JAM3: variants seen among roughly 807,000 people sequenced by gnomAD.
JAM3 encodes junctional adhesion molecule 3.
In JAM3, 31 loss-of-function variants were observed where a neutral mutation model predicts 39.4. That is an observed-to-expected ratio of 0.79 (90% CI 0.59 to 1.06). The LOEUF (loss-of-function observed/expected upper bound fraction) is 1.06, where lower values mean the gene tolerates loss of function less well. Ranked by LOEUF, JAM3 falls within the 50% of genes least tolerant of loss-of-function variation. The pLI is 0.00. For synonymous variants in JAM3, 182 were observed against 148.7 expected (o/e 1.22, Z -1.63); for missense variants, 455 against 391.4 (o/e 1.16, Z -1.37).
At chr11:134,137,316 C>G (rs1043672438) in intron 1 of JAM3, among the ~76,000 whole-genome samples, 1 of 152,198 alleles carries the variant, frequency 6.6e-6, no homozygotes, top group African/African-American at 2.4e-5. Flanking sequence ...CCTTTTATGT[C>G]CTCTAGTTCA....
intron 1 of JAM3, among the ~76,000 whole-genome samples, chr11:134,088,550 C>T (rs1181001610): frequency 2.0e-5 from 3 of 152,096 alleles, no homozygotes; most frequent in Non-Finnish European, 4.4e-5. Flanking sequence ...TTTCTATATA[C>T]TTAAGTTGTA....
At position 134,147,509 on chromosome 11, in the gene JAM3, T is replaced by C. The variant is rs570749156; in HGVS notation, c.713-1038T>C. Among the ~76,000 whole-genome samples the C allele has an allele frequency of 1.4e-3, 201 of 148,060 alleles. 2 individuals carry two copies. Among genetic ancestry groups the C allele is most frequent in the African/African-American group, 4.4e-3 (177 of 40,126 alleles). The stretch of plus-strand genomic sequence containing the variant: ...GCAAGTTTACTTTTTGTTTTTGAGA[T>C]GGAGTCTCGCTCTGTCACCCAGGCT... On this transcript the variant is annotated intron_variant, in intron 6 of 8. Transcript: ENST00000299106.
rs1943173439 is a variant in JAM3, at chr11:134,150,200, G to C, written c.*1019G>C. ...GGGAACTCATACTGTCTACACATCA[G>C]ACCATAGTTGCTTAGGAAACCTTTA... On this transcript the variant is annotated 3_prime_UTR_variant, in exon 9 of 9. Coordinates refer to ENST00000299106, the MANE Select transcript of JAM3 (RefSeq NM_032801.5). The C allele has an allele frequency of 6.6e-6, 1 of 152,188 alleles. No homozygotes were observed. Among genetic ancestry groups the C allele is most frequent in the African/African-American group, 2.4e-5 (1 of 41,324 alleles). The allele number at this position is 152,188 out of a possible 1,614,324, so 9.4% of individuals were successfully genotyped here.
intron 1 of JAM3, among the ~76,000 whole-genome samples, chr11:134,110,536 C>G (rs1272338578): frequency 1.3e-5 from 2 of 152,078 alleles, no homozygotes; most frequent in Non-Finnish European, 2.9e-5. Flanking sequence ...TGAAAAAGGC[C>G]AGACAAGAAG....
intron 1 of JAM3, among the ~76,000 whole-genome samples, chr11:134,095,961 A>G (rs1265044917): frequency 6.6e-6 from 1 of 152,142 alleles, no homozygotes; most frequent in African/African-American, 2.4e-5. Context: ...ACATGATGTC[A>G]GTTGCCATGC....
At chr11:134,093,822 A>T (rs1390677126) in intron 1 of JAM3, among the ~76,000 whole-genome samples, 1 of 91,004 alleles carries the variant, frequency 1.1e-5, no homozygotes, top group South Asian at 5.0e-4. Context: ...TCCACCTTAC[A>T]TCTTATTCAT....
chr11:134,102,454 C>T (rs561187347), intron 1 of JAM3, among the ~76,000 whole-genome samples: 19 of 152,248 alleles, frequency 1.2e-4, no homozygotes, highest in Non-Finnish European at 2.2e-4. Flanking sequence ...AAAATCAGAG[C>T]GCTTCTCCCC....
rs370953373 is a variant in JAM3 at position 134,140,402 on chromosome 11, G to A, written c.143-255G>A. Among the ~76,000 whole-genome samples the A allele has an allele frequency of 3.9e-5, 6 of 152,080 alleles. No homozygotes were observed. In the East Asian group the frequency reaches 5.8e-4, roughly 15 times the overall value. ...TAAGATTACAGGTGTGAGCCACCGCGCCTGGCCAAGAAATTTCTTATATAC... is the reference window on the plus strand; with the variant it reads ...TAAGATTACAGGTGTGAGCCACCGCACCTGGCCAAGAAATTTCTTATATAC... On this transcript the variant is annotated intron_variant, in intron 2 of 8. Coordinates refer to ENST00000299106, the MANE Select transcript of JAM3 (RefSeq NM_032801.5).
Position 134,104,949 on chromosome 11 carries a change from C to T in JAM3, c.77-34902C>T, listed in dbSNP as rs1392130891. On this transcript the variant is annotated intron_variant, in intron 1 of 8. Coordinates refer to ENST00000299106, the MANE Select transcript of JAM3 (RefSeq NM_032801.5). ...GGTACAAGCAGGAGCTGGTACCATTCCTTCTGAAACTATTCCAATCAATAG... is the reference window on the plus strand; with the variant it reads ...GGTACAAGCAGGAGCTGGTACCATTTCTTCTGAAACTATTCCAATCAATAG... 2.6e-5 allele frequency among the ~76,000 whole-genome samples: 4 copies of T among 152,154 alleles called. No individual in the cohort carries two copies. The East Asian group carries it at 7.7e-4, about 29-fold the overall frequency.
chr11:134,074,406 A>G (rs1941531781), intron 1 of JAM3, among the ~76,000 whole-genome samples: 1 of 152,208 alleles, frequency 6.6e-6, no homozygotes, highest in Non-Finnish European at 1.5e-5. Context: ...GGAAAATATA[A>G]TTTGTTTGTT....
chr11:134,149,368 C>T lies in JAM3; in HGVS notation c.*187C>T, dbSNP rs1943147978. The T allele has an allele frequency of 1.5e-6, 1 of 680,300 alleles. No individual in the cohort carries two copies. The highest frequency in any genetic ancestry group is 2.6e-6 in the Non-Finnish European group (1 of 388,270). The allele number at this position is 680,300 out of a possible 1,614,324, so 42.1% of individuals were successfully genotyped here. On this transcript the variant is annotated 3_prime_UTR_variant, in exon 9 of 9. Transcript: ENST00000299106. ...AAGCCACATGAATAGAAGAATTTTC[C>T]TCAAGATGGACCCGGTAAATATAAC...
chr11:134,099,711 A>G (rs1942041357), intron 1 of JAM3, among the ~76,000 whole-genome samples: 2 of 152,136 alleles, frequency 1.3e-5, no homozygotes, highest in South Asian at 2.1e-4. Context: ...GTCTCAAGCA[A>G]TTCTTCTGCC....
chr11:134,124,226 A>T, intron 1 of JAM3: 2 of 1,348,382 alleles, frequency 1.5e-6, no homozygotes, highest in Middle Eastern at 1.9e-4. Flanking sequence ...CATACTTCTT[A>T]AGTTCCTCTG....
At chr11:134,100,883 A>G (rs1942061507) in intron 1 of JAM3, among the ~76,000 whole-genome samples, 1 of 152,198 alleles carries the variant, frequency 6.6e-6, no homozygotes, top group South Asian at 2.1e-4. Flanking sequence ...CTTACTAGAC[A>G]AACACTTAGT....
chr11:134,093,577 G>A (rs879199981), intron 1 of JAM3, among the ~76,000 whole-genome samples: 1 of 78,688 alleles, frequency 1.3e-5, no homozygotes. Flanking sequence ...TGAGGGAAGC[G>A]TGTCCTGAAC....
chr11:134,140,071 A>G (rs1370573499), intron 2 of JAM3, among the ~76,000 whole-genome samples, 155 bp downstream of exon 2: 1 of 152,264 alleles, frequency 6.6e-6, no homozygotes, highest in Admixed American at 6.5e-5. Context: ...GCATGGCATC[A>G]GCAGGCCGGC....
intron 3 of JAM3, among the ~76,000 whole-genome samples, chr11:134,141,291 C>T (rs923663364): frequency 7.7e-4 from 117 of 152,060 alleles, no homozygotes; most frequent in African/African-American, 2.7e-3. Context: ...TCTCTGGGTG[C>T]GGTGTGAAGG....
chr11:134,125,215 C>T (rs1394022865), intron 1 of JAM3, among the ~76,000 whole-genome samples: 1 of 152,200 alleles, frequency 6.6e-6, no homozygotes, highest in East Asian at 1.9e-4. Context: ...AAGCAGCTCC[C>T]GCCCCCTCTT....
chr11:134,106,187 A>C (rs987937707), intron 1 of JAM3, among the ~76,000 whole-genome samples: 2 of 152,326 alleles, frequency 1.3e-5, no homozygotes, highest in African/African-American at 2.4e-5. Flanking sequence ...CTCAGAAATA[A>C]TACCACACAT....
Sources: gnomAD v4.1 joint callset for allele counts (sites outside exome capture counted in the v4.1 genomes callset) on GRCh38, gnomAD v4.1.1 for gene constraint, MANE v1.5 for transcripts, NCBI Gene and HGNC (gene_info 2026-07-23, HGNC 2026-07-21) for gene names.